Variants in NDUFV3 observed in about 807,000 individuals in gnomAD.
The protein encoded by NDUFV3 is NADH:ubiquinone oxidoreductase subunit V3, also known as NADH dehydrogenase [ubiquinone] flavoprotein 3, mitochondrial.
In NDUFV3, 44 loss-of-function variants were observed where a neutral mutation model predicts 37.5. The observed-to-expected ratio is 1.17, with a 90% CI of 0.92 to 1.51. The LOEUF (loss-of-function observed/expected upper bound fraction) is 1.51, where lower values mean the gene tolerates loss of function less well. Ranked by LOEUF, NDUFV3 falls within the 40% of genes most tolerant of loss-of-function variation. The pLI is 0.00. For missense variants in NDUFV3, 580 were observed against 580.4 expected (o/e 1.00, Z 0.01); for synonymous variants, 235 against 239.3 (o/e 0.98, Z 0.17).
intron 3 of NDUFV3, among the ~76,000 whole-genome samples, chr21:42,905,959 G>A (rs966766549): frequency 2.0e-5 from 3 of 150,424 alleles, no homozygotes; most frequent in African/African-American, 4.9e-5. Context: ...CACCTCCCAC[G>A]TACAAACGAT....
At chr21:42,896,072 C>T (rs377242804) in intron 1 of NDUFV3, among the ~76,000 whole-genome samples, 1 of 151,118 alleles carries the variant, frequency 6.6e-6, no homozygotes, top group Non-Finnish European at 1.5e-5. Context: ...CAACCTCCAC[C>T]TCCTGAGTCT....
chr21:42,907,625 AACTTTAGTGGAGAC>A, intron 3 of NDUFV3, among the ~76,000 whole-genome samples: 1 of 152,048 alleles, frequency 6.6e-6, no homozygotes, highest in African/African-American at 2.4e-5. Context: ...TAACTTTTGT[AACTTTAGTGGAGAC>A]AGGGTTTCAC....
chr21:42,899,302 T>C (rs2058708622), intron 2 of NDUFV3, among the ~76,000 whole-genome samples: 1 of 114,912 alleles, frequency 8.7e-6, no homozygotes, highest in African/African-American at 4.2e-5. Flanking sequence ...AGAGTTTTGC[T>C]CTTTATGCCC....
intron 3 of NDUFV3, among the ~76,000 whole-genome samples, chr21:42,904,686 G>A (rs1469061215): frequency 6.6e-5 from 10 of 151,382 alleles, no homozygotes; most frequent in Admixed American, 5.3e-4. Context: ...GGGTTTCACC[G>A]TGTTGGCCAG....
intron 1 of NDUFV3, among the ~76,000 whole-genome samples, chr21:42,896,208 G>A (rs540316830): frequency 7.0e-6 from 1 of 142,526 alleles, no homozygotes; most frequent in East Asian, 2.1e-4. Context: ...CCAGGCTAGA[G>A]TGCAGTGGCA....
In NDUFV3 at chr21:42,894,078, G is replaced by C. The variant is rs532107913; in HGVS notation, c.48+697G>C. ...AAAATACAAAAAATTAGTCTGGCGT[G>C]GTGGTGCATTCCTGTAATCCCAGCT... On this transcript the variant is annotated intron_variant, in intron 1 of 3. Coordinates refer to ENST00000354250, the MANE Select transcript of NDUFV3 (RefSeq NM_021075.4). 4.6e-4 allele frequency among the ~76,000 whole-genome samples: 70 copies of C among 150,772 alleles called. No homozygotes were observed. In the South Asian group the frequency reaches 0.014, roughly 30 times the overall value.
rs2058773931 is a variant in NDUFV3, at chr21:42,912,248, T to TA, written c.*3230dup. ...ACAGCAAAACTCCGTCTCAAAAAAATAAAGTTCTTCCCTTAGAACTAGTCC... is the reference window on the plus strand; with the variant it reads ...ACAGCAAAACTCCGTCTCAAAAAAATAAAAGTTCTTCCCTTAGAACTAGTCC... On this transcript the variant is annotated 3_prime_UTR_variant, in exon 4 of 4. Coordinates refer to ENST00000354250, the MANE Select transcript of NDUFV3 (RefSeq NM_021075.4). 1 of 152,004 alleles carries TA rather than the reference T, an allele frequency of 6.6e-6. No individual in the cohort carries two copies. Among genetic ancestry groups the TA allele is most frequent in the African/African-American group, 2.4e-5 (1 of 41,350 alleles). The allele number at this position is 152,004 out of a possible 1,614,324, so 9.4% of individuals were successfully genotyped here. A position where few individuals can be genotyped will look rare whatever the true frequency, so the allele number is the denominator to read the frequency against.
chr21:42,910,696 G>A lies in NDUFV3; in HGVS notation c.*1675G>A, dbSNP rs1288525272. 2 of 60,740 alleles carry A rather than the reference G, an allele frequency of 3.3e-5. No individual in the cohort carries two copies. Among genetic ancestry groups the A allele is most frequent in the African/African-American group, 1.3e-4 (2 of 15,476 alleles). The allele number at this position is 60,740 out of a possible 1,614,324, so 3.8% of individuals were successfully genotyped here. A position where few individuals can be genotyped will look rare whatever the true frequency, so the allele number is the denominator to read the frequency against. On this transcript the variant is annotated 3_prime_UTR_variant, in exon 4 of 4. Coordinates refer to ENST00000354250, the MANE Select transcript of NDUFV3 (RefSeq NM_021075.4). ...GAGGTGAAGTTTCGTGCGGTGCAGG[G>A]ACGGAGTAGGAAGAGGTGAAGTTTT...
intron 2 of NDUFV3, among the ~76,000 whole-genome samples, chr21:42,900,605 A>G (rs543681555): frequency 6.6e-6 from 1 of 152,346 alleles, no homozygotes; most frequent in South Asian, 2.1e-4. Context: ...GTAGTTGGTA[A>G]GTGTAAGATA....
intron 3 of NDUFV3, among the ~76,000 whole-genome samples, 184 bp downstream of exon 3, chr21:42,904,460 T>C (rs991944275): frequency 2.6e-5 from 4 of 152,010 alleles, no homozygotes; most frequent in African/African-American, 9.7e-5. Context: ...TCCACATCTT[T>C]ATATTTAGAA....
Position 42,903,832 on chromosome 21 carries a change from T to C in NDUFV3, c.820T>C (p.Leu274=), listed in dbSNP as rs746137024. Residue 274 remains leucine, a synonymous_variant, in exon 3 of 4, where the codon TTA becomes CTA. Coordinates refer to ENST00000354250, the MANE Select transcript of NDUFV3 (RefSeq NM_021075.4). The stretch of plus-strand genomic sequence containing the variant: ...AAAACAATTGCAGAAAACATTTAGA[T>C]TAAATGAAATAGATAAAGAAAGCCA... The part of the protein sequence containing the change: ...KEKQLQKTFR[L]NEIDKESQKP... 2 of 1,613,642 alleles carry C rather than the reference T, an allele frequency of 1.2e-6. No individual in the cohort carries two copies. The highest frequency in any genetic ancestry group is 2.2e-5 in the South Asian group (2 of 91,038).
In NDUFV3 at chr21:42,903,900, A is replaced by C. The variant is rs377697191; in HGVS notation, c.888A>C (p.Lys296Asn). The C allele has an allele frequency of 2.3e-5, 37 of 1,611,580 alleles. No individual in the cohort carries two copies. In the African/African-American group the frequency reaches 4.4e-4, roughly 19 times the overall value. ...EVKGPLPVHT[K>N]SGLSAPPKGS... ...AAGGACCCTTACCTGTCCACACAAA[A>C]TCAGGGTTGTCTGCGCCACCGAAGG... The change falls in exon 3 of 4, where the codon AAA becomes AAC. Residue 296 changes from lysine to asparagine, a missense_variant. Coordinates refer to ENST00000354250, the MANE Select transcript of NDUFV3 (RefSeq NM_021075.4).
At chr21:42,900,297 T>C (rs2058713117) in intron 2 of NDUFV3, among the ~76,000 whole-genome samples, 1 of 151,510 alleles carries the variant, frequency 6.6e-6, no homozygotes, top group African/African-American at 2.4e-5. Flanking sequence ...AGGTCAGGAG[T>C]TCGAGAACAG....
chr21:42,895,335 G>A, intron 1 of NDUFV3, among the ~76,000 whole-genome samples: 1 of 152,070 alleles, frequency 6.6e-6, no homozygotes, highest in Non-Finnish European at 1.5e-5. Flanking sequence ...ACAAAAACTT[G>A]GCCGGGCATG....
intron 1 of NDUFV3, among the ~76,000 whole-genome samples, 188 bp from the exon 2 acceptor site, chr21:42,896,739 C>G (rs565654976): frequency 4.2e-4 from 64 of 152,138 alleles, no homozygotes; most frequent in African/African-American, 1.5e-3. Context: ...GTAGTCCTGG[C>G]TATGTCAGAG....
chr21:42,907,061 C>CA (rs147683919), intron 3 of NDUFV3, among the ~76,000 whole-genome samples: 5,036 of 152,198 alleles, frequency 0.033, 135 homozygotes, highest in Non-Finnish European at 0.054. Context: ...GAAATTGAGT[C>CA]AGTACAAATC....
chr21:42,895,858 A>C (rs2058688130), intron 1 of NDUFV3, among the ~76,000 whole-genome samples: 1 of 152,140 alleles, frequency 6.6e-6, no homozygotes, highest in South Asian at 2.1e-4. Context: ...TACATACATT[A>C]TGAAAACTGT....
chr21:42,898,796 T>C (rs1310611520), intron 2 of NDUFV3, among the ~76,000 whole-genome samples: 1 of 152,260 alleles, frequency 6.6e-6, no homozygotes, highest in Non-Finnish European at 1.5e-5. Context: ...TGACATTCTC[T>C]AAATGTTTAC....
In NDUFV3 at chr21:42,903,425, A is replaced by C; in HGVS notation, c.413A>C (p.Asp138Ala). The C allele has an allele frequency of 6.2e-7, 1 of 1,614,218 alleles. No individual in the cohort carries two copies. The highest frequency in any genetic ancestry group is 2.2e-5 in the East Asian group (1 of 44,892). The part of the protein sequence containing the change: ...VLSPFRKQGS[D>A]SEARQVGRKV... ...TCTCCATTCAGAAAACAGGGCTCTG[A>C]TTCAGAAGCTCGTCAGGTGGGTCGG... Residue 138 changes from aspartate to alanine, a missense_variant, in exon 3 of 4, where the codon GAT becomes GCT. Transcript: ENST00000354250.
Sources: allele counts gnomAD v4.1 joint callset (sites outside exome capture counted in the v4.1 genomes callset), GRCh38; gene constraint gnomAD v4.1.1; transcripts MANE v1.5; gene names NCBI Gene and HGNC (gene_info 2026-07-23, HGNC 2026-07-21).